Variants in PHLPP1 observed in about 807,000 individuals in gnomAD.
PHLPP1 encodes PH domain leucine-rich repeat-containing protein phosphatase 1.
In PHLPP1, 42 loss-of-function variants were observed where a neutral mutation model predicts 117.2. The observed-to-expected ratio is 0.36, with a 90% CI of 0.28 to 0.46. PHLPP1 has a LOEUF of 0.46. PHLPP1 is among the 20% of genes least tolerant of loss of function. The pLI, the probability that PHLPP1 is intolerant of heterozygous loss-of-function variation, is 1.00. For synonymous variants in PHLPP1, 1,042 were observed against 970.7 expected (o/e 1.07, Z -1.37); for missense variants, 2,084 against 2,241.9 (o/e 0.93, Z 1.42).
intron 12 of PHLPP1, among the ~76,000 whole-genome samples, chr18:62,949,494 T>A (rs928215754): frequency 6.6e-6 from 1 of 152,258 alleles, no homozygotes; most frequent in Admixed American, 6.5e-5. Context: ...AAAGTGATCA[T>A]CAGGTGTTAA....
chr18:62,759,384 C>G (rs1324863801), intron 1 of PHLPP1, among the ~76,000 whole-genome samples: 1 of 152,154 alleles, frequency 6.6e-6, no homozygotes, highest in African/African-American at 2.4e-5. Flanking sequence ...TTTGGAGATT[C>G]TGTTGTGTTT....
At chr18:62,796,820 G>T (rs1026359165) in intron 1 of PHLPP1, among the ~76,000 whole-genome samples, 7 of 135,496 alleles carry the variant, frequency 5.2e-5, no homozygotes, top group African/African-American at 1.7e-4. Flanking sequence ...TCTGCTGGAA[G>T]AGAGAATAAA....
intron 6 of PHLPP1, among the ~76,000 whole-genome samples, chr18:62,899,974 G>T (rs185670316): frequency 8.4e-4 from 128 of 152,274 alleles, no homozygotes; most frequent in African/African-American, 3.0e-3. Context: ...CTGGCCAGAA[G>T]GGAATTTTCA....
chr18:62,918,925 A>G (rs1909379578), intron 9 of PHLPP1, among the ~76,000 whole-genome samples: 1 of 152,168 alleles, frequency 6.6e-6, no homozygotes, highest in Non-Finnish European at 1.5e-5. Flanking sequence ...CACAATGTAT[A>G]CGTATATTAA....
chr18:62,871,408 A>G (rs1174876691), intron 4 of PHLPP1, among the ~76,000 whole-genome samples: 2 of 150,158 alleles, frequency 1.3e-5, no homozygotes, highest in Non-Finnish European at 1.5e-5. Context: ...GCTCACTGCA[A>G]CCTCTGCCTC....
chr18:62,918,447 T>TATATATATATATATATATATATATATA (rs10530316), intron 9 of PHLPP1, among the ~76,000 whole-genome samples: 5 of 149,636 alleles, frequency 3.3e-5, no homozygotes, highest in African/African-American at 1.2e-4. Flanking sequence ...TATATATATA[T>TATATATATATATATATATATATATATA]GATGAACCAC....
intron 4 of PHLPP1, among the ~76,000 whole-genome samples, chr18:62,864,247 C>T (rs529802761): frequency 1.3e-5 from 2 of 152,272 alleles, no homozygotes; most frequent in South Asian, 4.2e-4. Flanking sequence ...GTCTCGAACT[C>T]CTGACCTCAG....
intron 3 of PHLPP1, among the ~76,000 whole-genome samples, chr18:62,858,872 C>G (rs921699029): frequency 7.2e-5 from 11 of 152,086 alleles, no homozygotes; most frequent in South Asian, 2.1e-4. Flanking sequence ...TAGCAGTTAA[C>G]ATTTATTGAG....
At chr18:62,835,536 C>G (rs1914869108) in intron 2 of PHLPP1, among the ~76,000 whole-genome samples, 1 of 151,940 alleles carries the variant, frequency 6.6e-6, no homozygotes, top group African/African-American at 2.4e-5. Context: ...TCATCATTAA[C>G]ATTGAAGTTT....
At chr18:62,720,674 C>T (rs532226120) in intron 1 of PHLPP1, among the ~76,000 whole-genome samples, 3 of 152,182 alleles carry the variant, frequency 2.0e-5, no homozygotes, top group Admixed American at 2.0e-4. Flanking sequence ...TGTGCTTGAA[C>T]AGTCCCTTTA....
In PHLPP1 at chr18:62,979,434, C is replaced by T; in HGVS notation, c.*3C>T. Reference sequence around the variant, plus strand: ...ATTATTACGACACGCCACTATGACCCAGCCGAGCTGTTTAACAAATAAACT... The same window carrying T: ...ATTATTACGACACGCCACTATGACCTAGCCGAGCTGTTTAACAAATAAACT... On this transcript the variant is annotated 3_prime_UTR_variant, in exon 17 of 17. Coordinates refer to ENST00000262719, the MANE Select transcript of PHLPP1 (RefSeq NM_194449.4). 1 of 1,549,906 alleles carries T rather than the reference C, an allele frequency of 6.5e-7. No individual in the cohort carries two copies. The highest frequency in any genetic ancestry group is 1.7e-4 in the Middle Eastern group (1 of 5,984).
chr18:62,737,503 C>T (rs1359836699), intron 1 of PHLPP1, among the ~76,000 whole-genome samples: 1 of 152,150 alleles, frequency 6.6e-6, no homozygotes, highest in Non-Finnish European at 1.5e-5. Flanking sequence ...TTAGTAGGGC[C>T]TTTGATAAAC....
At chr18:62,804,798 CATACACACAGTATAAT>C (rs990286709) in intron 1 of PHLPP1, among the ~76,000 whole-genome samples, 14 of 148,266 alleles carry the variant, frequency 9.4e-5, no homozygotes, top group Non-Finnish European at 1.6e-4. Context: ...CACACATATA[CATACACACAGTATAAT>C]ATACACTGTA....
At chr18:62,763,620 T>C (rs1338047906) in intron 1 of PHLPP1, among the ~76,000 whole-genome samples, 2 of 152,204 alleles carry the variant, frequency 1.3e-5, no homozygotes, top group Non-Finnish European at 2.9e-5. Context: ...TCTTACTCTT[T>C]CTCAGTCCCT....
rs1401332914 is a variant in PHLPP1 at position 62,975,615 on chromosome 18, T to G, written c.3974T>G (p.Ile1325Ser). The change falls in exon 16 of 17, where the codon ATT becomes AGT. Residue 1325 changes from isoleucine to serine, a missense_variant. Transcript: ENST00000262719. The stretch of plus-strand genomic sequence containing the variant: ...AAGAGGATTAAACAGCACAAGGCCA[T>G]TATCACTGAGGTGAGAAAACAGGGG... ...ELKRIKQHKA[I>S]ITEDGKVNGV... 6.2e-7 allele frequency: 1 copy of G among 1,607,410 alleles called. No homozygotes were observed. The highest frequency in any genetic ancestry group is 8.5e-7 in the Non-Finnish European group (1 of 1,173,974).
chr18:62,780,171 A>G (rs1046197118), intron 1 of PHLPP1, among the ~76,000 whole-genome samples: 2 of 152,202 alleles, frequency 1.3e-5, no homozygotes, highest in African/African-American at 4.8e-5. Context: ...TCAAGAAGGA[A>G]TAGTCGAGTT....
intron 1 of PHLPP1, among the ~76,000 whole-genome samples, chr18:62,766,634 T>C (rs1360727619): frequency 6.6e-6 from 1 of 152,194 alleles, no homozygotes; most frequent in Non-Finnish European, 1.5e-5. Flanking sequence ...TAAGCTACCT[T>C]TTCCAACCTA....
At chr18:62,743,979 ATCT>A (rs1911606601) in intron 1 of PHLPP1, among the ~76,000 whole-genome samples, 1 of 151,942 alleles carries the variant, frequency 6.6e-6, no homozygotes, top group Non-Finnish European at 1.5e-5. Flanking sequence ...GGTAAGTTGG[ATCT>A]TCTTTTGCTG....
rs1911162289 is a variant in PHLPP1 at position 62,975,471 on chromosome 18, C to G, written c.3830C>G (p.Pro1277Arg). The G allele has an allele frequency of 1.2e-6, 2 of 1,613,898 alleles. No homozygotes were observed. The highest frequency in any genetic ancestry group is 1.7e-6 in the Non-Finnish European group (2 of 1,179,800). ...CATATCAAGCATGACCCTGTGGATCCAGGAGGATCCTTCACCTTGACCTCT... is the reference window on the plus strand; with the variant it reads ...CATATCAAGCATGACCCTGTGGATCGAGGAGGATCCTTCACCTTGACCTCT... Reference protein sequence around the residue: ...LCHIKHDPVDPGGSFTLTSAN... With the variant: ...LCHIKHDPVDRGGSFTLTSAN... The change falls in exon 16 of 17, where the codon CCA (proline) becomes CGA (arginine). Residue 1277 changes from proline to arginine, a missense_variant. Pro to Arg is a moderately radical substitution (Grantham distance 103). This residue lies in a region of PHLPP1 where 1,365 missense variants were observed against 1,605.9 expected (regional missense o/e 0.85). Coordinates refer to ENST00000262719, the MANE Select transcript of PHLPP1 (RefSeq NM_194449.4).
Sources: gnomAD v4.1 joint callset for allele counts (sites outside exome capture counted in the v4.1 genomes callset) on GRCh38, gnomAD v4.1.1 for gene constraint, gnomAD v4.1.1 regional missense constraint, MANE v1.5 for transcripts, NCBI Gene and HGNC (gene_info 2026-07-23, HGNC 2026-07-21) for gene names.